SPATA17: variants seen among roughly 807,000 people sequenced by gnomAD.
SPATA17 encodes spermatogenesis associated 17, also known as spermatogenesis-associated protein 17.
Under a neutral mutation model 62.2 loss-of-function variants are expected in SPATA17, and 53 were observed. The observed-to-expected ratio is 0.85, with a 90% CI of 0.68 to 1.07. The LOEUF is 1.07. Among genes scored for constraint, SPATA17 ranks in the 50% least tolerant of loss-of-function variants. The probability of loss-of-function intolerance (pLI) is 0.00; values close to 1 mark genes in which losing one functional copy is unlikely to be tolerated. For missense variants in SPATA17, 466 were observed against 425.5 expected, an observed-to-expected ratio of 1.10 and a Z score of -0.84; for synonymous variants, 146 against 146.8, an observed-to-expected ratio of 0.99 and a Z score of 0.04.
intron 5 of SPATA17, among the ~76,000 whole-genome samples, chr1:217,720,292 G>T (rs1672094727): frequency 6.6e-6 from 1 of 152,182 alleles, no homozygotes; most frequent in African/African-American, 2.4e-5. Context: ...CTGCAATGAG[G>T]TGGAGTATGG....
At chr1:217,759,434 G>C (rs1673121150) in intron 6 of SPATA17, among the ~76,000 whole-genome samples, 1 of 151,968 alleles carries the variant, frequency 6.6e-6, no homozygotes, top group South Asian at 2.1e-4. Flanking sequence ...ACTCCAGCCT[G>C]GGCAAAAGAG....
At position 217,822,297 on chromosome 1, in the gene SPATA17, TG is replaced by T. The variant is rs560671031; in HGVS notation, c.1005+20448del. Among the ~76,000 whole-genome samples, 4 of 152,156 alleles carry T rather than the reference TG, an allele frequency of 2.6e-5. 1 individual carries two copies. Among genetic ancestry groups the T allele is most frequent in the African/African-American group, 9.6e-5 (4 of 41,560 alleles). ...GTAAAATTCTTTTAAAAACTTACAT[TG>T]TTTTGATAACAATTTATTCTAAAAA... is the stretch of plus-strand genomic sequence containing the variant. On this transcript the variant is annotated intron_variant, in intron 9 of 10. Coordinates refer to ENST00000366933, the MANE Select transcript of SPATA17 (RefSeq NM_138796.4).
intron 8 of SPATA17, among the ~76,000 whole-genome samples, chr1:217,783,494 A>G (rs1424537129): frequency 1.3e-5 from 2 of 152,086 alleles, no homozygotes; most frequent in Non-Finnish European, 2.9e-5. Context: ...GTAAGAAAAT[A>G]AGGAACTTTT....
chr1:217,840,585 G>A (rs1043479573), intron 9 of SPATA17, among the ~76,000 whole-genome samples: 6 of 151,816 alleles, frequency 4.0e-5, no homozygotes, highest in African/African-American at 1.5e-4. Context: ...CTTGGAAGAC[G>A]CCTGGCTCAT....
chr1:217,729,889 G>GA (rs1485897000), intron 5 of SPATA17, among the ~76,000 whole-genome samples: 1 of 151,974 alleles, frequency 6.6e-6, no homozygotes, highest in Non-Finnish European at 1.5e-5. Flanking sequence ...ACACAGAAAG[G>GA]AAAAAATGCT....
chr1:217,741,746 T>C (rs1672629620), intron 5 of SPATA17, among the ~76,000 whole-genome samples: 1 of 152,182 alleles, frequency 6.6e-6, no homozygotes, highest in Non-Finnish European at 1.5e-5. Flanking sequence ...TTTGAATTAA[T>C]TATAAATATA....
chr1:217,810,849 T>C (rs1164702739), intron 9 of SPATA17, among the ~76,000 whole-genome samples: 1 of 151,856 alleles, frequency 6.6e-6, no homozygotes. Context: ...TCAGATCTCA[T>C]GAGAACTCAC....
chr1:217,713,526 A>C (rs1380426271), intron 5 of SPATA17, among the ~76,000 whole-genome samples: 4 of 152,210 alleles, frequency 2.6e-5, no homozygotes, highest in Non-Finnish European at 5.9e-5. Context: ...ATTTATAATG[A>C]TCTATGGAGG....
intron 9 of SPATA17, among the ~76,000 whole-genome samples, chr1:217,816,789 A>G (rs890261195): frequency 2.2e-4 from 34 of 152,198 alleles, no homozygotes; most frequent in Non-Finnish European, 2.9e-4. Flanking sequence ...CTAACCTTTT[A>G]AAACAATGTA....
chr1:217,813,213 G>T (rs935985471), intron 9 of SPATA17, among the ~76,000 whole-genome samples: 1 of 152,130 alleles, frequency 6.6e-6, no homozygotes, highest in Non-Finnish European at 1.5e-5. Context: ...CAGAAACTTG[G>T]GTGGGACTGT....
chr1:217,684,668 G>A (rs112598334), intron 5 of SPATA17, among the ~76,000 whole-genome samples: 1,878 of 152,082 alleles, frequency 0.012, 30 homozygotes, highest in African/African-American at 0.037. Context: ...TGCCCACCTC[G>A]GCCTCCCAAA....
intron 9 of SPATA17, among the ~76,000 whole-genome samples, chr1:217,808,469 C>T (rs1223646520): frequency 2.0e-5 from 3 of 151,968 alleles, no homozygotes; most frequent in Non-Finnish European, 4.4e-5. Flanking sequence ...CACATACTAC[C>T]AGATCTAATG....
At chr1:217,689,512 C>T (rs1180165319) in intron 5 of SPATA17, among the ~76,000 whole-genome samples, 1 of 152,120 alleles carries the variant, frequency 6.6e-6, no homozygotes, top group African/African-American at 2.4e-5. Flanking sequence ...AGGTGTGAGC[C>T]ACCACACGAT....
intron 5 of SPATA17, among the ~76,000 whole-genome samples, chr1:217,733,241 TAGAG>T (rs1672437294): frequency 6.6e-6 from 1 of 152,214 alleles, no homozygotes; most frequent in Admixed American, 6.5e-5. Flanking sequence ...GCATTACTCT[TAGAG>T]AGCCCATTTA....
chr1:217,815,929 AC>A (rs1471057893), intron 9 of SPATA17, among the ~76,000 whole-genome samples: 8 of 152,136 alleles, frequency 5.3e-5, no homozygotes, highest in African/African-American at 1.9e-4. Context: ...GAGAACCCTG[AC>A]TTACATAGAG....
chr1:217,848,460 T>G (rs1257484696), intron 9 of SPATA17, among the ~76,000 whole-genome samples: 1 of 152,180 alleles, frequency 6.6e-6, no homozygotes, highest in African/African-American at 2.4e-5. Flanking sequence ...TAAAGATTGT[T>G]TCTTATTAAA....
At chr1:217,684,899 C>G (rs1427841390) in intron 5 of SPATA17, among the ~76,000 whole-genome samples, 1 of 152,040 alleles carries the variant, frequency 6.6e-6, no homozygotes, top group Non-Finnish European at 1.5e-5. Flanking sequence ...TTGAGGATTA[C>G]CTATAGAGAA....
At chr1:217,690,506 T>C (rs1470625607) in intron 5 of SPATA17, among the ~76,000 whole-genome samples, 2 of 148,990 alleles carry the variant, frequency 1.3e-5, no homozygotes, top group East Asian at 2.0e-4. Flanking sequence ...TTTTTTATTA[T>C]ACTTTAAGTT....
At chr1:217,829,482 G>A (rs535059035) in intron 9 of SPATA17, among the ~76,000 whole-genome samples, 112 of 151,736 alleles carry the variant, frequency 7.4e-4, no homozygotes, top group African/African-American at 2.7e-3. Context: ...ACAAAAATTA[G>A]CCGGGCATGG....
Sources: allele counts gnomAD v4.1 joint callset (sites outside exome capture counted in the v4.1 genomes callset), GRCh38; gene constraint gnomAD v4.1.1; transcripts MANE v1.5; gene names NCBI Gene and HGNC (gene_info 2026-07-23, HGNC 2026-07-21).